CAST: variants seen among roughly 807,000 people sequenced by gnomAD.
The protein encoded by CAST is MIR583 host.
In CAST, 76 loss-of-function variants were observed where a neutral mutation model predicts 119.6. The observed-to-expected ratio is 0.64, with a 90% CI of 0.53 to 0.77. CAST has a LOEUF of 0.77. CAST is among the 30% of genes least tolerant of loss of function. The pLI, the probability that CAST is intolerant of heterozygous loss-of-function variation, is 0.00. For synonymous variants in CAST, 319 were observed against 331.6 expected, an observed-to-expected ratio of 0.96 and a Z score of 0.41; for missense variants, 953 against 946.5, an observed-to-expected ratio of 1.01 and a Z score of -0.09.
At chr5:96,056,085 C>T in the CAST span, among the ~76,000 whole-genome samples, 2 of 152,092 alleles carry the variant, frequency 1.3e-5, no homozygotes, top group Non-Finnish European at 1.5e-5. Context: ...TTCCTAAAAT[C>T]AGCTTACCTT....
At chr5:96,699,421 T>A (rs977066105) in intron 3 of CAST, among the ~76,000 whole-genome samples, 29 of 152,182 alleles carry the variant, frequency 1.9e-4, no homozygotes, top group African/African-American at 6.8e-4. Context: ...GGTAGAGAAA[T>A]CCAGGAGAGT....
chr5:96,268,147 A>G, the CAST span, among the ~76,000 whole-genome samples: 1 of 152,240 alleles, frequency 6.6e-6, no homozygotes, highest in African/African-American at 2.4e-5. Context: ...AGCCACAAAG[A>G]AAGATAATAA....
chr5:96,207,756 TTTG>T, the CAST span, among the ~76,000 whole-genome samples: 371 of 152,074 alleles, frequency 2.4e-3, 3 homozygotes, highest in Non-Finnish European at 3.1e-3. Flanking sequence ...GCCTGAAGTT[TTTG>T]TTGTTGTTGT....
At chr5:96,077,498 C>T in the CAST span, among the ~76,000 whole-genome samples, 10 of 152,074 alleles carry the variant, frequency 6.6e-5, no homozygotes, top group African/African-American at 1.7e-4. Flanking sequence ...TCTGTGGTAT[C>T]GTCTGGATAT....
the CAST span, among the ~76,000 whole-genome samples, chr5:96,018,244 G>A: frequency 6.6e-6 from 1 of 152,116 alleles, no homozygotes; most frequent in East Asian, 1.9e-4. Context: ...AAAAAATGCA[G>A]AAAAACTATT....
chr5:96,363,115 T>C, the CAST span, among the ~76,000 whole-genome samples: 10 of 145,452 alleles, frequency 6.9e-5, no homozygotes, highest in Non-Finnish European at 1.4e-4. Context: ...TGCTTGTTTT[T>C]GTCAGGTTTG....
At chr5:96,621,400 T>A (rs1747600644) in intron 1 of CAST, among the ~76,000 whole-genome samples, 1 of 152,166 alleles carries the variant, frequency 6.6e-6, no homozygotes. Context: ...TACTCGAGAC[T>A]GGGTAATTTA....
At chr5:96,153,171 G>A in the CAST span, among the ~76,000 whole-genome samples, 4 of 152,294 alleles carry the variant, frequency 2.6e-5, no homozygotes, top group East Asian at 3.9e-4. Flanking sequence ...GCATATTAGA[G>A]TAGAAAGAGC....
chr5:96,576,315 T>C (rs181579658), intron 1 of CAST, among the ~76,000 whole-genome samples: 1 of 152,214 alleles, frequency 6.6e-6, no homozygotes, highest in East Asian at 1.9e-4. Context: ...TTGGTAGCAT[T>C]CTCCAGTTAA....
the CAST span, among the ~76,000 whole-genome samples, chr5:96,177,379 G>A: frequency 6.6e-6 from 1 of 152,178 alleles, no homozygotes. Context: ...TTGTACTCTG[G>A]TCCTTTGTGC....
chr5:96,408,354 G>A, the CAST span: 4 of 1,512,792 alleles, frequency 2.6e-6, no homozygotes, highest in Non-Finnish European at 3.7e-6. Flanking sequence ...GAGAAAGGCA[G>A]GGAGAACACG....
the CAST span, among the ~76,000 whole-genome samples, chr5:96,002,669 C>T: frequency 6.6e-6 from 1 of 152,090 alleles, no homozygotes; most frequent in African/African-American, 2.4e-5. Flanking sequence ...GAGAAACTCT[C>T]CATGCCCACA....
At chr5:96,752,961 T>TACACACACACACACAC (rs112835890) in intron 20 of CAST, among the ~76,000 whole-genome samples, 33 of 143,378 alleles carry the variant, frequency 2.3e-4, no homozygotes, top group Non-Finnish European at 4.1e-4. Flanking sequence ...ATGCATTTTA[T>TACACACACACACACAC]ACACACACAC....
intron 3 of CAST, among the ~76,000 whole-genome samples, chr5:96,696,903 GATAA>G (rs1248144777): frequency 2.6e-5 from 4 of 151,776 alleles, no homozygotes; most frequent in Non-Finnish European, 4.4e-5. Flanking sequence ...AGTAATTTTT[GATAA>G]ATAAAATTGT....
intron 1 of CAST, among the ~76,000 whole-genome samples, chr5:96,555,194 C>T (rs555162996): frequency 2.0e-5 from 3 of 152,318 alleles, no homozygotes; most frequent in East Asian, 1.9e-4. Context: ...AAATGTAGCA[C>T]ATATACACCA....
the CAST span, among the ~76,000 whole-genome samples, chr5:96,146,174 G>C: frequency 1.3e-5 from 2 of 152,172 alleles, no homozygotes; most frequent in Non-Finnish European, 2.9e-5. Context: ...GCAAGGCTAT[G>C]TGCAATTAAT....
the CAST span, among the ~76,000 whole-genome samples, chr5:96,188,136 A>T: frequency 6.6e-6 from 1 of 152,220 alleles, no homozygotes; most frequent in South Asian, 2.1e-4. Context: ...CCTTTTTATT[A>T]CACAAAATGA....
chr5:96,164,511 G>A, the CAST span, among the ~76,000 whole-genome samples: 1 of 152,220 alleles, frequency 6.6e-6, no homozygotes, highest in Non-Finnish European at 1.5e-5. Context: ...TTTGCTGGAG[G>A]AGGCACTGCA....
At chr5:96,619,583 C>G (rs946497190) in intron 1 of CAST, among the ~76,000 whole-genome samples, 5 of 152,242 alleles carry the variant, frequency 3.3e-5, no homozygotes, top group Non-Finnish European at 7.3e-5. Flanking sequence ...CTGTTCCTCA[C>G]TGTTTGGGTC....
Sources: allele counts gnomAD v4.1 joint callset (sites outside exome capture counted in the v4.1 genomes callset), GRCh38; gene constraint gnomAD v4.1.1; transcripts MANE v1.5; gene names NCBI Gene and HGNC (gene_info 2026-07-23, HGNC 2026-07-21).